Variants in COL22A1 observed in about 807,000 individuals in gnomAD.
The protein encoded by COL22A1 is collagen alpha-1(XXII) chain.
Under a neutral mutation model 248.9 loss-of-function variants are expected in COL22A1, and 221 were observed. That is an observed-to-expected ratio of 0.89 (90% CI 0.80 to 0.99). The LOEUF is 0.99. Ranked by LOEUF, COL22A1 falls within the 50% of genes least tolerant of loss-of-function variation. COL22A1 has a pLI of 0.00. For missense variants in COL22A1, 2,240 were observed against 2,179.0 expected, an observed-to-expected ratio of 1.03 and a Z score of -0.56; for synonymous variants, 891 against 793.4, an observed-to-expected ratio of 1.12 and a Z score of -2.07.
chr8:138,722,098 A>T lies in COL22A1; in HGVS notation c.2248-9T>A. 6.3e-7 allele frequency: 1 copy of T among 1,574,858 alleles called. No individual in the cohort carries two copies. The highest frequency in any genetic ancestry group is 8.6e-7 in the Non-Finnish European group (1 of 1,158,640). Reference sequence around the variant, plus strand: ...TCCTTTCCAGGGGGTCCCTGGGCCAAGAGGGGAAAACATAAATAAAAAGGA... The same window carrying T: ...TCCTTTCCAGGGGGTCCCTGGGCCATGAGGGGAAAACATAAATAAAAAGGA... On this transcript the variant is annotated splice_polypyrimidine_tract_variant and intron_variant, in intron 25 of 64. Coordinates refer to ENST00000303045, the MANE Select transcript of COL22A1 (RefSeq NM_152888.3).
chr8:138,755,930 C>A (rs776571471), intron 18 of COL22A1, 101 bp from the exon 19 acceptor site: 35 of 939,556 alleles, frequency 3.7e-5, no homozygotes, highest in Non-Finnish European at 5.9e-5. Flanking sequence ...GGGGACCACA[C>A]CCCTCCCTGT....
Position 138,592,059 on chromosome 8 carries a change from T to C in COL22A1, c.4616-558A>G, listed in dbSNP as rs559470444. Among the ~76,000 whole-genome samples, 28 of 152,310 alleles carry C rather than the reference T, an allele frequency of 1.8e-4. No individual in the cohort carries two copies. In the South Asian group the frequency reaches 5.6e-3, roughly 30 times the overall value. ...ACACGCATGTGGGCATGTGCAGTGA[T>C]AAGTAACACACAGCTCTACTCTCAA... On this transcript the variant is annotated intron_variant, in intron 63 of 64. Transcript: ENST00000303045.
At chr8:138,700,223 G>T in intron 31 of COL22A1, 79 bp from the exon 32 acceptor site, 1 of 1,368,730 alleles carries the variant, frequency 7.3e-7, no homozygotes, top group Non-Finnish European at 1.0e-6. Flanking sequence ...GCCTTGGAGA[G>T]ATTTACAAGT....
chr8:138,649,804 CAA>C, intron 45 of COL22A1, 26 bp from the exon 46 acceptor site: 1 of 1,407,822 alleles, frequency 7.1e-7, no homozygotes, highest in South Asian at 1.3e-5. Context: ...GAGGTGGGGA[CAA>C]AGAGAGAATA....
rs188704611 is a variant in COL22A1 at position 138,684,027 on chromosome 8, C to T, written c.3012+398G>A. On this transcript the variant is annotated intron_variant, in intron 39 of 64. Transcript: ENST00000303045. Reference sequence around the variant, plus strand: ...CTGTAATCCCAGCACTTTGGGAGGCCGAGGCAGGTATTACAAGACCAGGAG... The same window carrying T: ...CTGTAATCCCAGCACTTTGGGAGGCTGAGGCAGGTATTACAAGACCAGGAG... Among the ~76,000 whole-genome samples the T allele has an allele frequency of 3.3e-4, 50 of 152,074 alleles. No individual in the cohort carries two copies. The East Asian group carries it at 9.5e-3, about 29-fold the overall frequency.
intron 3 of COL22A1, among the ~76,000 whole-genome samples, chr8:138,867,833 C>A (rs2131991828): frequency 6.6e-6 from 1 of 152,338 alleles, no homozygotes; most frequent in Non-Finnish European, 1.5e-5. Flanking sequence ...GTGGCACGAT[C>A]TCGGCTCACT....
chr8:138,672,938 C>A (rs572505313), intron 41 of COL22A1, among the ~76,000 whole-genome samples: 1 of 152,306 alleles, frequency 6.6e-6, no homozygotes, highest in Admixed American at 6.5e-5. Context: ...TAAGGAGGCT[C>A]ATTTTGTAAG....
chr8:138,607,059 C>G (rs529144418), intron 57 of COL22A1, among the ~76,000 whole-genome samples: 1 of 152,238 alleles, frequency 6.6e-6, no homozygotes, highest in African/African-American at 2.4e-5. Flanking sequence ...ATAGCTGTCC[C>G]TAGTCCAACA....
At chr8:138,702,525 G>A (rs1196838229) in intron 31 of COL22A1, among the ~76,000 whole-genome samples, 1 of 152,032 alleles carries the variant, frequency 6.6e-6, no homozygotes, top group East Asian at 1.9e-4. Context: ...TTTAGGGTCA[G>A]GGCCAGCCCA....
chr8:138,793,289 C>T (rs747219137), intron 12 of COL22A1, among the ~76,000 whole-genome samples: 11 of 152,100 alleles, frequency 7.2e-5, no homozygotes, highest in South Asian at 2.1e-4. Flanking sequence ...CCTCTCTAGA[C>T]GCTATCAATT....
chr8:138,830,013 C>T (rs1480948085), intron 5 of COL22A1, among the ~76,000 whole-genome samples: 1 of 152,062 alleles, frequency 6.6e-6, no homozygotes, highest in Non-Finnish European at 1.5e-5. Context: ...TATATACATA[C>T]ATATGTGTAT....
chr8:138,728,509 A>C (rs115920102), intron 23 of COL22A1, among the ~76,000 whole-genome samples: 1,829 of 152,194 alleles, frequency 0.012, 36 homozygotes, highest in African/African-American at 0.041. Flanking sequence ...TTTTTCAAAA[A>C]AGGTGAGCCC....
chr8:138,616,818 G>T, intron 54 of COL22A1, 96 bp downstream of exon 54: 1 of 1,412,324 alleles, frequency 7.1e-7, no homozygotes, highest in South Asian at 1.2e-5. Flanking sequence ...TCTCGGGTAA[G>T]GCACTGCCAT....
chr8:138,692,270 T>TTGTGGAGGTGTGTGTGTA (rs1827104402), intron 35 of COL22A1, among the ~76,000 whole-genome samples: 2 of 42,960 alleles, frequency 4.7e-5, no homozygotes, highest in Admixed American at 2.8e-4. Flanking sequence ...GTGTGCATGT[T>TTGTGGAGGTGTGTGTGTA]TGTGTGCACA....
chr8:138,681,724 T>C, intron 39 of COL22A1, among the ~76,000 whole-genome samples: 1 of 152,184 alleles, frequency 6.6e-6, no homozygotes, highest in East Asian at 1.9e-4. Context: ...TAGGTCCTAA[T>C]TCCTTAATCT....
chr8:138,850,382 G>A (rs1045584757), intron 3 of COL22A1, among the ~76,000 whole-genome samples: 9 of 152,260 alleles, frequency 5.9e-5, no homozygotes, highest in Middle Eastern at 3.4e-3. Context: ...ACAAAATATC[G>A]CCAGAAAGGA....
intron 55 of COL22A1, among the ~76,000 whole-genome samples, chr8:138,614,553 C>A (rs927022103): frequency 6.6e-6 from 1 of 152,190 alleles, no homozygotes; most frequent in Non-Finnish European, 1.5e-5. Context: ...ACCTGGCATC[C>A]CAGGGTCCCA....
chr8:138,691,268 C>T (rs1424656590), intron 35 of COL22A1, among the ~76,000 whole-genome samples: 4 of 152,178 alleles, frequency 2.6e-5, no homozygotes, highest in Admixed American at 2.6e-4. Context: ...CAGTTCAGAT[C>T]TCAGTTGCAT....
At chr8:138,823,871 C>A (rs547168733) in intron 6 of COL22A1, among the ~76,000 whole-genome samples, 12 of 152,250 alleles carry the variant, frequency 7.9e-5, no homozygotes, top group African/African-American at 2.9e-4. Flanking sequence ...CAGTGGCACT[C>A]AATAACAAGG....
Sources: gnomAD v4.1 joint callset for allele counts (sites outside exome capture counted in the v4.1 genomes callset) on GRCh38, gnomAD v4.1.1 for gene constraint, MANE v1.5 for transcripts, NCBI Gene and HGNC (gene_info 2026-07-23, HGNC 2026-07-21) for gene names.